BAP1: variants seen among roughly 807,000 people sequenced by gnomAD.
BAP1 encodes the protein ubiquitin carboxyl-terminal hydrolase BAP1.
Under a neutral mutation model 77.2 loss-of-function variants are expected in BAP1, and 16 were observed. The observed-to-expected ratio is 0.21, with a 90% confidence interval of 0.14 to 0.31. The LOEUF is 0.31. BAP1 is among the 10% of genes least tolerant of loss of function. The pLI is 1.00. For synonymous variants in BAP1, 362 were observed against 385.2 expected, an observed-to-expected ratio of 0.94 and a Z score of 0.71; for missense variants, 699 against 967.3, an observed-to-expected ratio of 0.72 and a Z score of 3.68.
chr3:52,405,308 A>G lies in BAP1; in HGVS notation c.932-14T>C, dbSNP rs1553645349. On this transcript the variant is annotated splice_polypyrimidine_tract_variant and intron_variant, in intron 10 of 16. Transcript: ENST00000460680. ...CCTCTGCACCATCTGAGACAGGGCA[A>G]GAACACAGGCAGGACCTCCAGTAGG... is the stretch of plus-strand genomic sequence containing the variant. 2.5e-6 allele frequency: 4 copies of G among 1,613,272 alleles called. No homozygotes were observed. The highest frequency in any genetic ancestry group is 2.5e-6 in the Non-Finnish European group (3 of 1,179,988).
At chr3:52,408,384 TCTC>T (rs1705232035) in intron 4 of BAP1, 87 bp downstream of exon 4, 1 of 1,548,478 alleles carries the variant, frequency 6.5e-7, no homozygotes, top group South Asian at 1.2e-5. Context: ...AATCTGCCTA[TCTC>T]CTCCTCCTGT....
In BAP1 at chr3:52,406,207, C is replaced by A. The variant is rs2153227394; in HGVS notation, c.783+46G>T. The A allele has an allele frequency of 6.2e-7, 1 of 1,613,152 alleles. No homozygotes were observed. The highest frequency in any genetic ancestry group is 8.5e-7 in the Non-Finnish European group (1 of 1,179,704). ...GCTGTGGGGGAAGGGAGGAGGAATG[C>A]AGGGAGGGTTGGGCTGGGCAGAGGC... On this transcript the variant is annotated intron_variant, in intron 9 of 16. Transcript: ENST00000460680. This position sits in a 1 kb window ranked among gnomAD's most constrained non-coding sequence, Gnocchi z 4.6.
In BAP1 at chr3:52,401,437, C is replaced by T. The variant is rs1196573102; in HGVS notation, c.*851G>A. On this transcript the variant is annotated 3_prime_UTR_variant, in exon 17 of 17. Coordinates refer to ENST00000460680, the MANE Select transcript of BAP1 (RefSeq NM_004656.4). ...GACATGGTAATACTGAGGGGCTGGA[C>T]AGAGGCTCTTCTGAGCCTCAAGCGC... 1 of 233,586 alleles carries T rather than the reference C, an allele frequency of 4.3e-6. No homozygotes were observed. Among genetic ancestry groups the T allele is most frequent in the East Asian group, 6.0e-5 (1 of 16,596 alleles). The allele number at this position is 233,586 out of a possible 1,614,324, so 14.5% of individuals were successfully genotyped here. A position where few individuals can be genotyped will look rare whatever the true frequency, so the allele number is the denominator to read the frequency against.
rs763789102 is a variant in BAP1 at position 52,403,886 on chromosome 3, C to T, written c.1259G>A (p.Gly420Glu). 7.4e-6 allele frequency: 12 copies of T among 1,614,050 alleles called. No individual in the cohort carries two copies. In the South Asian group the frequency reaches 1.2e-4, roughly 16 times the overall value. The change falls in exon 13 of 17, where the codon GGG becomes GAG. Residue 420 changes from glycine (G) to glutamate (E), a missense_variant. Physicochemically the swap from Gly to Glu is moderately conservative, Grantham distance 98. Around this residue, in one of 3 missense-constraint regions of BAP1, gnomAD observed 475 missense variants for 532.4 expected, o/e 0.89. Transcript: ENST00000460680. This position sits in a 1 kb window ranked among gnomAD's most constrained non-coding sequence, Gnocchi z 4.0. ...TGCCCCTGGCTTCCCTGTTCCCTTC[C>T]CCTTATACCTGTGGGGCCCGAGAAG... The part of the protein sequence containing the change: ...QNTNSALRYK[G>E]KGTGKPGALS...
At position 52,407,381 on chromosome 3, in the gene BAP1, C is replaced by T. The variant is rs1157072290; in HGVS notation, c.437+18G>A. Reference sequence around the variant, plus strand: ...CCCCTACTCCCACCCCACATCAGCTCCCACAGCTCCCACACACCTGGCATG... The same window carrying T: ...CCCCTACTCCCACCCCACATCAGCTTCCACAGCTCCCACACACCTGGCATG... On this transcript the variant is annotated intron_variant, in intron 6 of 16. Transcript: ENST00000460680. 17 of 1,613,790 alleles carry T rather than the reference C, an allele frequency of 1.1e-5. No homozygotes were observed. The highest frequency in any genetic ancestry group is 1.4e-5 in the Non-Finnish European group (16 of 1,179,760).
At chr3:52,407,898 G>C in intron 5 of BAP1, 60 bp downstream of exon 5, 1 of 1,609,540 alleles carries the variant, frequency 6.2e-7, no homozygotes, top group East Asian at 2.2e-5. Context: ...ATTCCCAGTG[G>C]CCCTCAGGGT....
chr3:52,406,123 G>T lies in BAP1; in HGVS notation c.783+130C>A. The T allele has an allele frequency of 1.3e-6, 2 of 1,548,866 alleles. No individual in the cohort carries two copies. The highest frequency in any genetic ancestry group is 1.8e-6 in the Non-Finnish European group (2 of 1,131,600). On this transcript the variant is annotated intron_variant, in intron 9 of 16. Transcript: ENST00000460680. The surrounding 1 kb of genome is among the most constrained non-coding windows in gnomAD (Gnocchi z 4.6). ...TTTCCCACAATGGGGGCAAAGAAAA[G>T]ATGTGGTTAGCTGAAGCCCAGATCT...
Position 52,402,198 on chromosome 3 carries a change from T to G in BAP1, c.*90A>C. The G allele has an allele frequency of 6.5e-7, 1 of 1,537,712 alleles. No homozygotes were observed. The highest frequency in any genetic ancestry group is 1.7e-4 in the Middle Eastern group (1 of 5,880). ...GGACTCTCCAGCTGGGACTATTCAG[T>G]AATACTGGGAAAAGGGGAAGTGGGG... On this transcript the variant is annotated 3_prime_UTR_variant, in exon 17 of 17. Coordinates refer to ENST00000460680, the MANE Select transcript of BAP1 (RefSeq NM_004656.4). The surrounding 1 kb of genome is among the most constrained non-coding windows in gnomAD (Gnocchi z 5.3).
In BAP1 at chr3:52,406,916, G is replaced by C. The variant is rs878854739; in HGVS notation, c.581-9C>G. On this transcript the variant is annotated splice_polypyrimidine_tract_variant and intron_variant, in intron 7 of 16. Transcript: ENST00000460680. The surrounding 1 kb of genome is among the most constrained non-coding windows in gnomAD (Gnocchi z 4.6). ...GTCCTCCCCCCAGGGCCCTAGTGGA[G>C]ACCAAGACAAGGAATCAGCGAGAAG... 9 of 1,569,332 alleles carry C rather than the reference G, an allele frequency of 5.7e-6. No homozygotes were observed. The highest frequency in any genetic ancestry group is 6.9e-6 in the Non-Finnish European group (8 of 1,156,230).
intron 11 of BAP1, 107 bp downstream of exon 11, chr3:52,405,003 C>T: frequency 6.7e-7 from 1 of 1,502,946 alleles, no homozygotes; most frequent in South Asian, 1.1e-5. Context: ...GGCAGCTTGA[C>T]CCAGCCATGC....
intron 7 of BAP1, 124 bp from the exon 8 acceptor site, chr3:52,407,031 G>GT: frequency 6.7e-7 from 1 of 1,498,178 alleles, no homozygotes; most frequent in Non-Finnish European, 9.1e-7. Flanking sequence ...GGGCAATATG[G>GT]TGTAGGGTGA....
In BAP1 at chr3:52,406,162, T is replaced by A. The variant is rs1190166879; in HGVS notation, c.783+91A>T. On this transcript the variant is annotated intron_variant, in intron 9 of 16. Transcript: ENST00000460680. This position sits in a 1 kb window ranked among gnomAD's most constrained non-coding sequence, Gnocchi z 4.6. ...AAGCCCAGATCTACAAGAGAGTATG[T>A]TCACGAATCAGAGACAAATGCTGTG... 2.5e-6 allele frequency: 4 copies of A among 1,603,878 alleles called. No individual in the cohort carries two copies. The African/African-American group carries it at 5.4e-5, about 21-fold the overall frequency.
rs1395277971 is a variant in BAP1, at chr3:52,405,777, C to T, written c.919G>A (p.Gly307Ser). ...EANRAPAASE[G>S]NHTDGAEEAA... ...AACCCCCCAGTACCTGTGTGGTTGCCCTCAGAGGCTGCAGGGGCCCTGTTT... is the reference window on the plus strand; with the variant it reads ...AACCCCCCAGTACCTGTGTGGTTGCTCTCAGAGGCTGCAGGGGCCCTGTTT... The change falls in exon 10 of 17, where the codon GGC becomes AGC. Residue 307 changes from glycine (G) to serine (S), a missense_variant. This residue lies in a region of BAP1 where 475 missense variants were observed against 532.4 expected (regional missense o/e 0.89). Transcript: ENST00000460680. The T allele has an allele frequency of 6.2e-7, 1 of 1,613,286 alleles. No individual in the cohort carries two copies. The highest frequency in any genetic ancestry group is 8.5e-7 in the Non-Finnish European group (1 of 1,180,020).
rs1383277712 is a variant in BAP1, at chr3:52,401,778, G to C, written c.*510C>G. 4 of 247,780 alleles carry C rather than the reference G, an allele frequency of 1.6e-5. No individual in the cohort carries two copies. In the East Asian group the frequency reaches 2.3e-4, roughly 14 times the overall value. The allele number at this position is 247,780 out of a possible 1,614,324, so 15.3% of individuals were successfully genotyped here. A position where few individuals can be genotyped will look rare whatever the true frequency, so the allele number is the denominator to read the frequency against. Reference sequence around the variant, plus strand: ...TTACAACAGGGACAGGCTGGTGGCTGGGGCTAGAGCAGCAGGGCCCAGAGC... The same window carrying C: ...TTACAACAGGGACAGGCTGGTGGCTCGGGCTAGAGCAGCAGGGCCCAGAGC... On this transcript the variant is annotated 3_prime_UTR_variant, in exon 17 of 17. Coordinates refer to ENST00000460680, the MANE Select transcript of BAP1 (RefSeq NM_004656.4).
intron 5 of BAP1, 31 bp from the exon 6 acceptor site, chr3:52,407,491 A>T (rs2153228000): frequency 1.2e-6 from 2 of 1,614,024 alleles, no homozygotes; most frequent in Non-Finnish European, 1.7e-6. Context: ...CCGTATCAGA[A>T]TAATTTCTCC....
In BAP1 at chr3:52,401,471, G is replaced by A. The variant is rs1187245013; in HGVS notation, c.*817C>T. 9 of 233,752 alleles carry A rather than the reference G, an allele frequency of 3.9e-5. 1 individual carries two copies. The highest frequency in any genetic ancestry group is 5.1e-5 in the Non-Finnish European group (6 of 118,092). 14.5% of individuals were successfully genotyped at this position (233,752 alleles called of 1,614,324 possible). A position where few individuals can be genotyped will look rare whatever the true frequency, so the allele number is the denominator to read the frequency against. On this transcript the variant is annotated 3_prime_UTR_variant, in exon 17 of 17. Transcript: ENST00000460680. ...TTCTGAGCCTCAAGCGCCAGGGACA[G>A]AGACCTAGAGCCCAATTTAGGCCCA... is the stretch of plus-strand genomic sequence containing the variant.
At position 52,401,311 on chromosome 3, in the gene BAP1, C is replaced by A. The variant is rs985983053; in HGVS notation, c.*977G>T. 16 of 233,370 alleles carry A rather than the reference C, an allele frequency of 6.9e-5. No homozygotes were observed. Among genetic ancestry groups the A allele is most frequent in the African/African-American group, 3.5e-4 (16 of 45,346 alleles). 14.5% of individuals were successfully genotyped at this position (233,370 alleles called of 1,614,324 possible). On this transcript the variant is annotated 3_prime_UTR_variant, in exon 17 of 17. Transcript: ENST00000460680. The stretch of plus-strand genomic sequence containing the variant: ...TTGTCTTGATCCTGCTGTCCCCCAC[C>A]CTGAGTGCCTTGCAGAGGCTGAGGA...
chr3:52,402,869 C>T lies in BAP1; in HGVS notation c.1893G>A (p.Glu631=), dbSNP rs1322192243. Residue 631 remains glutamate, a splice_region_variant and synonymous_variant, in exon 15 of 17, where the codon GAG becomes GAA. Coordinates refer to ENST00000460680, the MANE Select transcript of BAP1 (RefSeq NM_004656.4). The surrounding 1 kb of genome is among the most constrained non-coding windows in gnomAD (Gnocchi z 5.3). ...CCACACACTTCAGCAGTGCCAGCAG[C>T]TCCTGCCAAAACCCAGCATTGCACC... ...PLSGEKYSPK[E]LLALLKCVEA... 2 of 1,614,090 alleles carry T rather than the reference C, an allele frequency of 1.2e-6. No individual in the cohort carries two copies. Among genetic ancestry groups the T allele is most frequent in the Admixed American group, 3.3e-5 (2 of 60,012 alleles).
intron 10 of BAP1, chr3:52,405,510 A>AG (rs1705126533): frequency 1.6e-6 from 1 of 619,402 alleles, no homozygotes; most frequent in South Asian, 2.2e-5. Flanking sequence ...AAAAAAAAAA[A>AG]AAAAAAAAAA....
Sources: allele counts gnomAD v4.1 joint callset, GRCh38; gene constraint gnomAD v4.1.1; regional missense constraint gnomAD v4.1.1; non-coding constraint Gnocchi (gnomAD v3.1); transcripts MANE v1.5; gene names NCBI Gene and HGNC (gene_info 2026-07-23, HGNC 2026-07-21).